FRMD4B: variants seen among roughly 807,000 people sequenced by gnomAD.
The protein encoded by FRMD4B is FERM domain-containing protein 4B.
A neutral mutation model predicts 141.5 loss-of-function variants in FRMD4B; 74 were observed. That is an observed-to-expected ratio of 0.52 (90% CI 0.43 to 0.63). FRMD4B has a LOEUF of 0.63. Among genes scored for constraint, FRMD4B ranks in the 30% least tolerant of loss-of-function variants. The pLI is 0.00. For synonymous variants in FRMD4B, 506 were observed against 467.9 expected (o/e 1.08, Z -1.05); for missense variants, 1,366 against 1,253.4 (o/e 1.09, Z -1.36).
At chr3:69,391,152 TATC>T (rs1220833836) in intron 2 of FRMD4B, among the ~76,000 whole-genome samples, 3 of 152,102 alleles carry the variant, frequency 2.0e-5, no homozygotes, top group African/African-American at 7.2e-5. Context: ...TTTGGATACT[TATC>T]ATCCAAAGGG....
chr3:69,180,569 T>C (rs2092695313), intron 21 of FRMD4B, among the ~76,000 whole-genome samples: 1 of 151,918 alleles, frequency 6.6e-6, no homozygotes, highest in African/African-American at 2.4e-5. Context: ...CATCCCAGCC[T>C]AGGCGACAGA....
chr3:69,512,365 G>T (rs1348968020), intron 1 of FRMD4B, among the ~76,000 whole-genome samples: 1 of 152,164 alleles, frequency 6.6e-6, no homozygotes, highest in African/African-American at 2.4e-5. Flanking sequence ...AATTTCTTGG[G>T]TTAATGTAGC....
chr3:69,371,842 C>G (rs1349611149), intron 1 of FRMD4B, among the ~76,000 whole-genome samples: 6 of 152,186 alleles, frequency 3.9e-5, no homozygotes, highest in African/African-American at 1.2e-4. Flanking sequence ...GCTGTATCTC[C>G]ACTGCCTCGA....
At chr3:69,275,367 T>A (rs2093612862) in intron 5 of FRMD4B, among the ~76,000 whole-genome samples, 1 of 152,102 alleles carries the variant, frequency 6.6e-6, no homozygotes, top group Admixed American at 6.6e-5. Context: ...CTTTATCCAG[T>A]GGGAAAAATG....
chr3:69,202,187 G>C (rs941935946), intron 11 of FRMD4B, among the ~76,000 whole-genome samples: 7 of 152,034 alleles, frequency 4.6e-5, no homozygotes, highest in Admixed American at 3.3e-4. Context: ...TTGGCGACAA[G>C]AGCGAAAATC....
chr3:69,359,443 T>C (rs934206026), intron 1 of FRMD4B, among the ~76,000 whole-genome samples: 2 of 152,176 alleles, frequency 1.3e-5, no homozygotes, highest in Admixed American at 1.3e-4. Flanking sequence ...AGAAAATTAA[T>C]TCATAATTTA....
intron 11 of FRMD4B, among the ~76,000 whole-genome samples, chr3:69,212,372 A>AAAAG (rs2093092053): frequency 2.2e-5 from 2 of 90,250 alleles, no homozygotes; most frequent in Non-Finnish European, 4.4e-5. Context: ...AAAAAAAAAA[A>AAAAG]AAAAAAAAGA....
intron 1 of FRMD4B, among the ~76,000 whole-genome samples, chr3:69,346,558 A>C (rs2107407384): frequency 6.6e-6 from 1 of 152,318 alleles, no homozygotes; most frequent in African/African-American, 2.4e-5. Flanking sequence ...AATGAAGGAA[A>C]AAATGTTAAG....
intron 1 of FRMD4B, among the ~76,000 whole-genome samples, chr3:69,449,445 A>C (rs1705459704): frequency 6.6e-6 from 1 of 152,208 alleles, no homozygotes. Context: ...AAAAGAGTTG[A>C]CTCTTAAATA....
intron 2 of FRMD4B, among the ~76,000 whole-genome samples, chr3:69,397,664 C>T (rs1293042367): frequency 6.6e-5 from 10 of 152,064 alleles, no homozygotes; most frequent in Non-Finnish European, 1.0e-4. Flanking sequence ...CTAGATTAGG[C>T]AAATCTATAT....
intron 1 of FRMD4B, among the ~76,000 whole-genome samples, chr3:69,485,074 C>T (rs1559542206): frequency 6.6e-6 from 1 of 152,080 alleles, no homozygotes; most frequent in Non-Finnish European, 1.5e-5. Flanking sequence ...CAGGCCAGCT[C>T]CCAGCTGTCC....
chr3:69,517,934 CAG>C (rs959907175), intron 1 of FRMD4B, among the ~76,000 whole-genome samples: 11 of 152,180 alleles, frequency 7.2e-5, no homozygotes, highest in African/African-American at 2.4e-4. Flanking sequence ...GGCTGCACCA[CAG>C]AGTTTCTGAT....
chr3:69,522,840 T>A (rs1700872772), intron 1 of FRMD4B, among the ~76,000 whole-genome samples: 1 of 152,140 alleles, frequency 6.6e-6, no homozygotes, highest in Non-Finnish European at 1.5e-5. Flanking sequence ...TGACCCTGGA[T>A]CACAGTCCAG....
chr3:69,450,649 G>A (rs192749578), intron 1 of FRMD4B, among the ~76,000 whole-genome samples: 2 of 152,182 alleles, frequency 1.3e-5, no homozygotes, highest in African/African-American at 4.8e-5. Context: ...AGTTACTCGG[G>A]AGGCTGAGGC....
At chr3:69,334,772 T>A (rs1236337966) in intron 1 of FRMD4B, among the ~76,000 whole-genome samples, 1 of 152,182 alleles carries the variant, frequency 6.6e-6, no homozygotes, top group Non-Finnish European at 1.5e-5. Context: ...TATTCACAAA[T>A]ATTCATCAAG....
At chr3:69,172,411 G>A (rs73835745) in intron 22 of FRMD4B, among the ~76,000 whole-genome samples, 3,802 of 152,034 alleles carry the variant, frequency 0.025, 172 homozygotes, top group African/African-American at 0.087. Flanking sequence ...TCAGTGTCTC[G>A]GAGTCTCTTT....
chr3:69,308,593 A>G (rs1174268605), intron 3 of FRMD4B, among the ~76,000 whole-genome samples: 1 of 151,880 alleles, frequency 6.6e-6, no homozygotes, highest in Non-Finnish European at 1.5e-5. Context: ...GTGCACCATC[A>G]TGCCCCCTTA....
chr3:69,312,109 GGATGT>G (rs1486052043), intron 2 of FRMD4B, among the ~76,000 whole-genome samples: 2 of 152,262 alleles, frequency 1.3e-5, no homozygotes, highest in East Asian at 3.9e-4. Context: ...GTTAGAAGAA[GGATGT>G]AATCTATAAG....
intron 1 of FRMD4B, among the ~76,000 whole-genome samples, chr3:69,453,568 T>C (rs1197710283): frequency 1.3e-5 from 2 of 152,224 alleles, no homozygotes; most frequent in African/African-American, 4.8e-5. Flanking sequence ...AGTTGTCCTC[T>C]AGCCTAGGGA....
Sources: allele counts gnomAD v4.1 joint callset (sites outside exome capture counted in the v4.1 genomes callset), GRCh38; gene constraint gnomAD v4.1.1; transcripts MANE v1.5; gene names NCBI Gene and HGNC (gene_info 2026-07-23, HGNC 2026-07-21).